The following ZCWPW2 variants were observed in gnomAD, a reference collection of about 807,000 sequenced individuals.
ZCWPW2 encodes the protein zinc finger CW-type PWWP domain protein 2.
In ZCWPW2, 45 loss-of-function variants were observed where a neutral mutation model predicts 46.6. That is an observed-to-expected ratio of 0.96 (90% CI 0.76 to 1.24). The LOEUF (loss-of-function observed/expected upper bound fraction) is 1.24. ZCWPW2 is among the 50% of genes most tolerant of loss of function. ZCWPW2 has a pLI of 0.00. For synonymous variants in ZCWPW2, 152 were observed against 137.1 expected (o/e 1.11, Z -0.76); for missense variants, 429 against 403.9 (o/e 1.06, Z -0.53).
chr3:28,371,256 CT>C (rs1443319637), intron 1 of ZCWPW2, among the ~76,000 whole-genome samples: 6 of 151,970 alleles, frequency 3.9e-5, no homozygotes, highest in Admixed American at 2.0e-4. Context: ...TTTTCTGACG[CT>C]TGTTAAAATG....
intron 5 of ZCWPW2, among the ~76,000 whole-genome samples, chr3:28,481,133 G>C (rs987503492): frequency 6.6e-6 from 1 of 152,090 alleles, no homozygotes; most frequent in African/African-American, 2.4e-5. Flanking sequence ...AGATCAGATA[G>C]TTGTAGGTAT....
At chr3:28,524,480 C>T (rs556427497) in intron 9 of ZCWPW2, 47 bp from the exon 10 acceptor site, 133 of 1,564,862 alleles carry the variant, frequency 8.5e-5, no homozygotes, top group Non-Finnish European at 1.1e-4. Flanking sequence ...GTTCAATAAT[C>T]AGGTAAATTT....
At chr3:28,391,550 T>G (rs1695491588) in intron 2 of ZCWPW2, among the ~76,000 whole-genome samples, 1 of 152,176 alleles carries the variant, frequency 6.6e-6, no homozygotes, top group South Asian at 2.1e-4. Flanking sequence ...TGCCTGGAGA[T>G]GGCTAGGGAT....
intron 1 of ZCWPW2, among the ~76,000 whole-genome samples, chr3:28,355,916 T>TA (rs1379987882): frequency 6.6e-6 from 1 of 152,178 alleles, no homozygotes; most frequent in African/African-American, 2.4e-5. Flanking sequence ...ACCTAGGCAA[T>TA]ACCATTCAGG....
intron 6 of ZCWPW2, among the ~76,000 whole-genome samples, chr3:28,508,353 G>C (rs987993447): frequency 9.2e-5 from 14 of 152,044 alleles, no homozygotes; most frequent in African/African-American, 3.4e-4. Context: ...TATTTTCTGA[G>C]TTAATTTTTT....
At chr3:28,522,852 A>T (rs533929411) in intron 9 of ZCWPW2, among the ~76,000 whole-genome samples, 1 of 152,286 alleles carries the variant, frequency 6.6e-6, no homozygotes, top group African/African-American at 2.4e-5. Flanking sequence ...TATACGTATA[A>T]TTAATATACA....
rs1039655782 is a variant in ZCWPW2, at chr3:28,434,993, A to G, written c.333-117A>G. 6 of 1,006,070 alleles carry G rather than the reference A, an allele frequency of 6.0e-6. No individual in the cohort carries two copies. In the Admixed American group the frequency reaches 1.5e-4, roughly 24 times the overall value. 62.3% of individuals were successfully genotyped at this position (1,006,070 alleles called of 1,614,324 possible). A position where few individuals can be genotyped will look rare whatever the true frequency, so the allele number is the denominator to read the frequency against. ...CTTTGAAAGATATAAGTAGGAATAT[A>G]TGTTTTGTGAAAAGGCATTAAAATT... is the stretch of plus-strand genomic sequence containing the variant. On this transcript the variant is annotated intron_variant, in intron 3 of 9. Transcript: ENST00000383768.
chr3:28,356,594 G>C (rs1298938086), intron 1 of ZCWPW2, among the ~76,000 whole-genome samples: 1 of 152,146 alleles, frequency 6.6e-6, no homozygotes, highest in Non-Finnish European at 1.5e-5. Context: ...GCAAAGACTT[G>C]GAACTAACCC....
At chr3:28,522,963 T>C (rs1369638937) in intron 9 of ZCWPW2, among the ~76,000 whole-genome samples, 4 of 152,192 alleles carry the variant, frequency 2.6e-5, no homozygotes, top group Admixed American at 6.5e-5. Flanking sequence ...TACAGCCAGA[T>C]TGATCTTTAT....
intron 1 of ZCWPW2, among the ~76,000 whole-genome samples, chr3:28,362,455 G>T (rs912870893): frequency 6.6e-6 from 1 of 151,996 alleles, no homozygotes; most frequent in African/African-American, 2.4e-5. Flanking sequence ...ACATACATGC[G>T]GCCAACAAGC....
chr3:28,478,643 A>G (rs920963322), intron 4 of ZCWPW2, among the ~76,000 whole-genome samples, 171 bp from the exon 5 acceptor site: 1 of 152,120 alleles, frequency 6.6e-6, no homozygotes, highest in Non-Finnish European at 1.5e-5. Flanking sequence ...CAAAATTTTC[A>G]CAATTTTGCC....
intron 6 of ZCWPW2, among the ~76,000 whole-genome samples, chr3:28,495,474 GTTC>G (rs770878667): frequency 9.9e-5 from 15 of 152,018 alleles, no homozygotes; most frequent in Non-Finnish European, 1.9e-4. Context: ...TGTACCAGTT[GTTC>G]TTAACAAAGG....
chr3:28,463,327 A>AC (rs1203403649), intron 4 of ZCWPW2, among the ~76,000 whole-genome samples: 2 of 152,112 alleles, frequency 1.3e-5, no homozygotes, highest in Non-Finnish European at 2.9e-5. Flanking sequence ...TGATCATGAT[A>AC]CCCACTCCTT....
chr3:28,484,395 A>G (rs2125809718), intron 5 of ZCWPW2, among the ~76,000 whole-genome samples: 1 of 152,158 alleles, frequency 6.6e-6, no homozygotes, highest in African/African-American at 2.4e-5. Context: ...TCACCAGTGA[A>G]CCCATCTGGG....
chr3:28,372,359 GTT>G (rs1559477741), intron 1 of ZCWPW2, among the ~76,000 whole-genome samples: 1 of 152,028 alleles, frequency 6.6e-6, no homozygotes, highest in African/African-American at 2.4e-5. Flanking sequence ...AATCATCAGT[GTT>G]TTTAGAAAAG....
At position 28,368,284 on chromosome 3, in the gene ZCWPW2, C is replaced by T. The variant is rs151093143; in HGVS notation, c.-134+19081C>T. On this transcript the variant is annotated intron_variant, in intron 1 of 9. Coordinates refer to ENST00000383768, the MANE Select transcript of ZCWPW2 (RefSeq NM_001040432.4). The stretch of plus-strand genomic sequence containing the variant: ...GGCATGTTTTTGCAGTGGCTGGTAC[C>T]GATTGTTCCTTCCCATGTTTAGTGC... Among the ~76,000 whole-genome samples, 381 of 152,106 alleles carry T rather than the reference C, an allele frequency of 2.5e-3. 1 individual carries two copies. Among genetic ancestry groups the T allele is most frequent in the African/African-American group, 8.3e-3 (346 of 41,486 alleles).
chr3:28,360,248 G>A (rs1212588758), intron 1 of ZCWPW2, among the ~76,000 whole-genome samples: 2 of 149,166 alleles, frequency 1.3e-5, no homozygotes, highest in Non-Finnish European at 3.0e-5. Context: ...GCTCACGCCT[G>A]TAATTCCAGC....
rs565450120 is a variant in ZCWPW2, at chr3:28,471,372, A to G, written c.493-7442A>G. The stretch of plus-strand genomic sequence containing the variant: ...AATCCTCAACAAAATACTAGCAAAT[A>G]TAATTAAACAACACATTAACACGAT... On this transcript the variant is annotated intron_variant, in intron 4 of 9. Transcript: ENST00000383768. Among the ~76,000 whole-genome samples, 39 of 152,252 alleles carry G rather than the reference A, an allele frequency of 2.6e-4. No homozygotes were observed. In the South Asian group the frequency reaches 6.4e-3, roughly 25 times the overall value.
intron 4 of ZCWPW2, among the ~76,000 whole-genome samples, chr3:28,437,045 G>C (rs1697528093): frequency 6.6e-6 from 1 of 152,098 alleles, no homozygotes. Context: ...CTCAAATGCT[G>C]TCTCTATACT....
Sources: allele counts gnomAD v4.1 joint callset (sites outside exome capture counted in the v4.1 genomes callset), GRCh38; gene constraint gnomAD v4.1.1; transcripts MANE v1.5; gene names NCBI Gene and HGNC (gene_info 2026-07-23, HGNC 2026-07-21).